The following COL25A1 variants were observed in gnomAD, a reference collection of about 807,000 sequenced individuals.
COL25A1 encodes the protein collagen type XXV alpha 1 chain.
In COL25A1, 103 loss-of-function variants were observed where a neutral mutation model predicts 128.4. The observed-to-expected ratio is 0.80, with a 90% confidence interval of 0.68 to 0.94. The LOEUF (loss-of-function observed/expected upper bound fraction) is 0.94. COL25A1 is among the 40% of genes least tolerant of loss of function. The pLI, the probability that COL25A1 is intolerant of heterozygous loss-of-function variation, is 0.00. For synonymous variants in COL25A1, 279 were observed against 277.2 expected (o/e 1.01, Z -0.06); for missense variants, 745 against 840.0 (o/e 0.89, Z 1.40).
intron 3 of COL25A1, among the ~76,000 whole-genome samples, chr4:109,180,933 T>C (rs768538418): frequency 1.3e-5 from 2 of 152,186 alleles, no homozygotes; most frequent in Admixed American, 6.5e-5. Flanking sequence ...ATCTTTTTTC[T>C]GAAGAAGAGG....
intron 26 of COL25A1, among the ~76,000 whole-genome samples, chr4:108,850,900 T>C (rs1735691874): frequency 6.6e-6 from 1 of 152,124 alleles, no homozygotes; most frequent in African/African-American, 2.4e-5. Flanking sequence ...GGTCAAAGAA[T>C]GGGTGCCTTT....
At chr4:109,026,100 G>GCACACACACACACACACACA (rs56718544) in intron 5 of COL25A1, among the ~76,000 whole-genome samples, 4 of 137,046 alleles carry the variant, frequency 2.9e-5, no homozygotes, top group African/African-American at 1.1e-4. Flanking sequence ...AAAACACTTT[G>GCACACACACACACACACACA]CACACACACA....
intron 14 of COL25A1, 74 bp from the exon 15 acceptor site, chr4:108,899,254 C>T (rs566683561): frequency 2.9e-6 from 4 of 1,372,500 alleles, no homozygotes; most frequent in African/African-American, 1.4e-5. Context: ...TTAAACAAAA[C>T]AGATATTGAA....
At chr4:109,209,726 T>A (rs888702188) in intron 3 of COL25A1, among the ~76,000 whole-genome samples, 2 of 152,076 alleles carry the variant, frequency 1.3e-5, no homozygotes, top group Non-Finnish European at 2.9e-5. Flanking sequence ...TACTACTGTA[T>A]CTTATGTTTT....
At chr4:109,216,580 C>A (rs967723717) in intron 3 of COL25A1, among the ~76,000 whole-genome samples, 4 of 152,066 alleles carry the variant, frequency 2.6e-5, no homozygotes, top group African/African-American at 9.7e-5. Context: ...AAAAGGAGGA[C>A]AGCCATGTGA....
chr4:109,254,469 T>TTTTATA (rs1357197026), intron 3 of COL25A1, among the ~76,000 whole-genome samples: 22 of 59,584 alleles, frequency 3.7e-4, no homozygotes, highest in African/African-American at 1.1e-3. Context: ...AGGCATATGT[T>TTTTATA]TATATATATA....
intron 31 of COL25A1, among the ~76,000 whole-genome samples, chr4:108,833,109 C>T (rs987378248): frequency 1.3e-5 from 2 of 151,184 alleles, no homozygotes; most frequent in Non-Finnish European, 3.0e-5. Context: ...CACCCTTAAC[C>T]GGGCGTGCTC....
chr4:109,144,349 T>C (rs996501106), intron 3 of COL25A1, among the ~76,000 whole-genome samples: 1 of 152,218 alleles, frequency 6.6e-6, no homozygotes, highest in African/African-American at 2.4e-5. Context: ...CTAGGAGATG[T>C]CTCCCAGTTA....
intron 3 of COL25A1, among the ~76,000 whole-genome samples, chr4:109,061,205 G>A (rs1233083765): frequency 6.6e-6 from 1 of 152,066 alleles, no homozygotes; most frequent in Non-Finnish European, 1.5e-5. Flanking sequence ...ATTTCTAGAA[G>A]ACATAATAGA....
chr4:108,868,317 T>C (rs1281915869), intron 20 of COL25A1, among the ~76,000 whole-genome samples: 1 of 152,150 alleles, frequency 6.6e-6, no homozygotes, highest in African/African-American at 2.4e-5. Context: ...CTACTCAATA[T>C]TGAACACAGT....
chr4:108,894,913 TCCCCCAGGTAACGTTTGACAATA>T (rs1741947171), intron 16 of COL25A1, among the ~76,000 whole-genome samples: 1 of 152,162 alleles, frequency 6.6e-6, no homozygotes, highest in Admixed American at 6.5e-5. Flanking sequence ...GGTGGCTTTG[TCCCCCAGGTAACGTTTGACAATA>T]CCTGGAGACA....
chr4:109,135,303 TTATAA>T (rs1483295259), intron 3 of COL25A1, among the ~76,000 whole-genome samples: 1 of 152,134 alleles, frequency 6.6e-6, no homozygotes. Flanking sequence ...TTTGAATAAA[TTATAA>T]TATATTAATT....
chr4:109,018,246 T>C (rs1757393838), intron 5 of COL25A1, among the ~76,000 whole-genome samples: 1 of 152,036 alleles, frequency 6.6e-6, no homozygotes, highest in South Asian at 2.1e-4. Flanking sequence ...TATTTTGAGA[T>C]GGATTTTTGC....
intron 6 of COL25A1, among the ~76,000 whole-genome samples, chr4:108,999,308 T>C (rs1755115767): frequency 1.3e-5 from 2 of 152,184 alleles, no homozygotes; most frequent in Admixed American, 6.5e-5. Context: ...GGGCAAAGGA[T>C]ATGAACAGAC....
intron 11 of COL25A1, among the ~76,000 whole-genome samples, chr4:108,932,178 G>C (rs997593678): frequency 2.6e-5 from 4 of 152,140 alleles, no homozygotes; most frequent in Non-Finnish European, 5.9e-5. Flanking sequence ...GTGAAGGAAA[G>C]CCATGAGTTT....
At chr4:108,878,668 G>C (rs1250732536) in intron 19 of COL25A1, among the ~76,000 whole-genome samples, 1 of 152,038 alleles carries the variant, frequency 6.6e-6, no homozygotes, top group African/African-American at 2.4e-5. Flanking sequence ...AAAACATCTT[G>C]GTGGCACTGA....
chr4:108,867,804 C>T (rs568255801), intron 20 of COL25A1, among the ~76,000 whole-genome samples: 5 of 152,100 alleles, frequency 3.3e-5, no homozygotes, highest in African/African-American at 1.2e-4. Flanking sequence ...AGTAAAGTTC[C>T]ATCATCAGAG....
intron 3 of COL25A1, among the ~76,000 whole-genome samples, chr4:109,120,880 A>C (rs1157017374): frequency 6.6e-6 from 1 of 151,804 alleles, no homozygotes; most frequent in Non-Finnish European, 1.5e-5. Context: ...AAATACTTAG[A>C]TATAAATCTA....
chr4:108,817,335 G>T (rs932900051), intron 37 of COL25A1, 62 bp downstream of exon 37: 10 of 1,454,100 alleles, frequency 6.9e-6, no homozygotes, highest in Non-Finnish European at 9.6e-6. Context: ...AATGGAAAAG[G>T]CTAGTCCAGG....
Sources: allele counts gnomAD v4.1 joint callset (sites outside exome capture counted in the v4.1 genomes callset), GRCh38; gene constraint gnomAD v4.1.1; transcripts MANE v1.5; gene names NCBI Gene and HGNC (gene_info 2026-07-23, HGNC 2026-07-21).